Variants in KIAA1328 observed in about 807,000 individuals in gnomAD.
KIAA1328 encodes the protein protein hinderin.
In KIAA1328, 52 loss-of-function variants were observed where a neutral mutation model predicts 68.1. The observed-to-expected ratio is 0.76, with a 90% CI of 0.61 to 0.96. The LOEUF is 0.96. KIAA1328 is among the 40% of genes least tolerant of loss of function. The pLI, the probability that KIAA1328 is intolerant of heterozygous loss-of-function variation, is 0.00. For missense variants in KIAA1328, 641 were observed against 677.6 expected (o/e 0.95, Z 0.60); for synonymous variants, 232 against 239.4 (o/e 0.97, Z 0.28).
chr18:37,172,237 G>A (rs1345662964), intron 8 of KIAA1328, among the ~76,000 whole-genome samples: 1 of 152,198 alleles, frequency 6.6e-6, no homozygotes, highest in Non-Finnish European at 1.5e-5. Flanking sequence ...AAAACTGCAT[G>A]TGATTCTTAC....
intron 6 of KIAA1328, among the ~76,000 whole-genome samples, chr18:37,035,214 G>GC (rs2054978917): frequency 6.6e-6 from 1 of 152,180 alleles, no homozygotes; most frequent in Non-Finnish European, 1.5e-5. Context: ...TAGCCAGGTG[G>GC]AATCCATCAT....
rs545390046 is a variant in KIAA1328 at position 36,972,259 on chromosome 18, A to G, written c.576+12824A>G. Among the ~76,000 whole-genome samples, 3 of 152,344 alleles carry G rather than the reference A, an allele frequency of 2.0e-5. No individual in the cohort carries two copies. The South Asian group carries it at 6.2e-4, about 32-fold the overall frequency. ...TGGACCCTTCACACCATGCACAAAA[A>G]TTAAGCTAAACATTAATCCATCATT... On this transcript the variant is annotated intron_variant, in intron 6 of 9. Transcript: ENST00000280020.
chr18:36,916,188 C>T (rs371152317), intron 5 of KIAA1328, among the ~76,000 whole-genome samples: 44 of 138,546 alleles, frequency 3.2e-4, no homozygotes, highest in African/African-American at 1.1e-3. Context: ...TTTTGCTTTT[C>T]TCACACTGGG....
intron 3 of KIAA1328, among the ~76,000 whole-genome samples, chr18:36,840,748 G>A (rs993153029): frequency 1.9e-4 from 29 of 152,096 alleles, no homozygotes; most frequent in African/African-American, 6.5e-4. Context: ...ACTGTGCCCA[G>A]CCATCTTGTG....
At chr18:36,845,930 G>T (rs2047012976) in intron 4 of KIAA1328, among the ~76,000 whole-genome samples, 1 of 151,518 alleles carries the variant, frequency 6.6e-6, no homozygotes, top group South Asian at 2.1e-4. Context: ...TTTATAGAAG[G>T]TCAGTGTGTT....
intron 4 of KIAA1328, among the ~76,000 whole-genome samples, chr18:36,873,103 A>G (rs1010575939): frequency 7.9e-5 from 12 of 152,150 alleles, no homozygotes; most frequent in African/African-American, 2.2e-4. Flanking sequence ...TAATTTTAGC[A>G]TGTTTTTCGC....
intron 6 of KIAA1328, among the ~76,000 whole-genome samples, chr18:37,064,775 G>A (rs188528629): frequency 1.8e-3 from 267 of 152,248 alleles, no homozygotes; most frequent in Non-Finnish European, 3.1e-3. Flanking sequence ...GTGACACACC[G>A]TGAAGATGGA....
chr18:37,101,244 A>G (rs1000939339), intron 7 of KIAA1328, among the ~76,000 whole-genome samples: 1 of 152,220 alleles, frequency 6.6e-6, no homozygotes, highest in African/African-American at 2.4e-5. Context: ...GTTCGAAGCC[A>G]TGGCAAAGAA....
chr18:37,093,510 A>T (rs1007188092), intron 7 of KIAA1328, among the ~76,000 whole-genome samples: 1 of 152,206 alleles, frequency 6.6e-6, no homozygotes, highest in African/African-American at 2.4e-5. Context: ...AACATTAAAA[A>T]TACAATTGAG....
chr18:37,133,073 G>A (rs1041582006), intron 7 of KIAA1328, among the ~76,000 whole-genome samples: 2 of 152,112 alleles, frequency 1.3e-5, no homozygotes, highest in African/African-American at 2.4e-5. Context: ...GATGACTCAC[G>A]TCTGTAATCC....
Position 37,066,806 on chromosome 18 carries a change from A to G in KIAA1328, c.577-84A>G, listed in dbSNP as rs766404532. Reference sequence around the variant, plus strand: ...ACAACAGCTTTGGCTTGGTAAATATATATCACTGATTTCTGAAAAACCAAA... The same window carrying G: ...ACAACAGCTTTGGCTTGGTAAATATGTATCACTGATTTCTGAAAAACCAAA... On this transcript the variant is annotated intron_variant, in intron 6 of 9. Transcript: ENST00000280020. The G allele has an allele frequency of 6.6e-5, 82 of 1,241,752 alleles. 1 individual carries two copies. Among genetic ancestry groups the G allele is most frequent in the Admixed American group, 1.1e-4 (4 of 35,002 alleles). 76.9% of individuals were successfully genotyped at this position (1,241,752 alleles called of 1,614,324 possible). A position where few individuals can be genotyped will look rare whatever the true frequency, so the allele number is the denominator to read the frequency against.
chr18:37,151,508 T>A (rs1351618325), intron 7 of KIAA1328, among the ~76,000 whole-genome samples: 1 of 152,174 alleles, frequency 6.6e-6, no homozygotes, highest in African/African-American at 2.4e-5. Flanking sequence ...GAAGGACTTA[T>A]GCTACCTAAT....
intron 7 of KIAA1328, chr18:37,084,289 C>A: frequency 1.0e-6 from 1 of 988,056 alleles, no homozygotes; most frequent in Non-Finnish European, 1.4e-6. Flanking sequence ...ATTTAGGATA[C>A]GTTTGGTATA....
intron 7 of KIAA1328, among the ~76,000 whole-genome samples, chr18:37,134,728 T>C (rs968958772): frequency 6.6e-6 from 1 of 152,218 alleles, no homozygotes; most frequent in African/African-American, 2.4e-5. Context: ...TATTTTAGAT[T>C]CAGGGGCACA....
chr18:36,849,253 A>T (rs2047134702), intron 4 of KIAA1328, among the ~76,000 whole-genome samples: 1 of 151,986 alleles, frequency 6.6e-6, no homozygotes, highest in Admixed American at 6.6e-5. Context: ...ACATCATTTA[A>T]GTGAAAATAA....
At position 37,078,971 on chromosome 18, in the gene KIAA1328, C is replaced by T. The variant is rs544089927; in HGVS notation, c.1232+11426C>T. 7.2e-5 allele frequency among the ~76,000 whole-genome samples: 11 copies of T among 151,998 alleles called. No homozygotes were observed. The South Asian group carries it at 2.1e-3, about 29-fold the overall frequency. ...GAAATACCATTTGACCCAGCAATCC[C>T]ATTACTGGGTATATACCCAAAGGAC... On this transcript the variant is annotated intron_variant, in intron 7 of 9. Coordinates refer to ENST00000280020, the MANE Select transcript of KIAA1328 (RefSeq NM_020776.3).
intron 6 of KIAA1328, among the ~76,000 whole-genome samples, chr18:36,981,761 A>ATTT (rs71168251): frequency 7.1e-6 from 1 of 141,546 alleles, no homozygotes; most frequent in East Asian, 2.1e-4. Context: ...TAATTGTTTG[A>ATTT]TTTTTTTTTT....
At chr18:37,044,920 G>A (rs1342433763) in intron 6 of KIAA1328, among the ~76,000 whole-genome samples, 1 of 152,040 alleles carries the variant, frequency 6.6e-6, no homozygotes, top group Non-Finnish European at 1.5e-5. Flanking sequence ...TATACAATCA[G>A]TATGGCAGTC....
At chr18:37,088,357 A>G (rs1043550287) in intron 7 of KIAA1328, among the ~76,000 whole-genome samples, 5 of 152,166 alleles carry the variant, frequency 3.3e-5, no homozygotes, top group African/African-American at 7.2e-5. Flanking sequence ...TAGCTCTCCA[A>G]TACTTATTTG....
Sources: allele counts gnomAD v4.1 joint callset (sites outside exome capture counted in the v4.1 genomes callset), GRCh38; gene constraint gnomAD v4.1.1; transcripts MANE v1.5; gene names NCBI Gene and HGNC (gene_info 2026-07-23, HGNC 2026-07-21).